Variants in NRXN1 observed in about 807,000 individuals in gnomAD.
NRXN1 encodes neurexin-1.
A neutral mutation model predicts 150.9 loss-of-function variants in NRXN1; 39 were observed. The observed-to-expected ratio is 0.26, with a 90% CI of 0.20 to 0.34. NRXN1 has a LOEUF of 0.34. Ranked by LOEUF, NRXN1 falls within the 10% of genes least tolerant of loss-of-function variation. The probability of loss-of-function intolerance (pLI) is 1.00; values close to 1 mark genes in which losing one functional copy is unlikely to be tolerated. For missense variants in NRXN1, 1,815 were observed against 1,949.9 expected (o/e 0.93, Z 1.30); for synonymous variants, 924 against 757.0 (o/e 1.22, Z -3.62).
chr2:50,591,958 G>A (rs184979977), intron 8 of NRXN1, among the ~76,000 whole-genome samples: 207 of 152,056 alleles, frequency 1.4e-3, no homozygotes, highest in Non-Finnish European at 1.6e-3. Context: ...TCCAAATTTC[G>A]ACCTTGGTTA....
intron 17 of NRXN1, among the ~76,000 whole-genome samples, chr2:50,255,087 T>C (rs537960500): frequency 6.6e-6 from 1 of 152,258 alleles, no homozygotes; most frequent in East Asian, 1.9e-4. Flanking sequence ...GTATTACAGG[T>C]ATAAGTCACC....
intron 22 of NRXN1, among the ~76,000 whole-genome samples, chr2:49,933,328 C>T (rs191858012): frequency 6.6e-6 from 1 of 152,128 alleles, no homozygotes; most frequent in Non-Finnish European, 1.5e-5. Context: ...TCTCATGATC[C>T]GCCCGCCTCG....
chr2:50,546,025 C>G lies in NRXN1; in HGVS notation c.1759+6562G>C, dbSNP rs532787228. Reference sequence around the variant, plus strand: ...CAATTTTTTTCCAATTATTTTCAATCCATAGTTGATTGAATCCACAGATGC... The same window carrying G: ...CAATTTTTTTCCAATTATTTTCAATGCATAGTTGATTGAATCCACAGATGC... On this transcript the variant is annotated intron_variant, in intron 9 of 22. Coordinates refer to ENST00000401669, the MANE Select transcript of NRXN1 (RefSeq NM_001330078.2). 2.5e-4 allele frequency among the ~76,000 whole-genome samples: 38 copies of G among 152,144 alleles called. No individual in the cohort carries two copies. The South Asian group carries it at 7.9e-3, about 32-fold the overall frequency.
intron 17 of NRXN1, among the ~76,000 whole-genome samples, chr2:50,377,267 G>A (rs1247813669): frequency 6.6e-6 from 1 of 151,808 alleles, no homozygotes; most frequent in Non-Finnish European, 1.5e-5. Flanking sequence ...CCCCTAACAG[G>A]CCCCAGTGTG....
At chr2:50,000,588 TAC>T (rs1683749970) in intron 21 of NRXN1, among the ~76,000 whole-genome samples, 2 of 152,292 alleles carry the variant, frequency 1.3e-5, no homozygotes, top group African/African-American at 4.8e-5. Flanking sequence ...CAACATAATT[TAC>T]ACAGATTTAT....
intron 5 of NRXN1, among the ~76,000 whole-genome samples, chr2:50,805,274 C>T (rs1383423231): frequency 1.3e-5 from 2 of 151,912 alleles, no homozygotes; most frequent in African/African-American, 2.4e-5. Context: ...AAACATATTA[C>T]GTGAGGACTT....
chr2:50,545,351 A>C (rs556260178), intron 9 of NRXN1, among the ~76,000 whole-genome samples: 2 of 152,314 alleles, frequency 1.3e-5, no homozygotes, highest in African/African-American at 4.8e-5. Flanking sequence ...ATTCTGCAGC[A>C]ATTGAAATAT....
intron 5 of NRXN1, among the ~76,000 whole-genome samples, chr2:50,648,605 A>C (rs1412845934): frequency 6.6e-6 from 1 of 151,996 alleles, no homozygotes; most frequent in Non-Finnish European, 1.5e-5. Flanking sequence ...AACCAGACAT[A>C]CCAGAAAAAT....
intron 21 of NRXN1, among the ~76,000 whole-genome samples, chr2:50,007,129 G>C (rs1331615248): frequency 2.0e-5 from 3 of 152,044 alleles, no homozygotes; most frequent in African/African-American, 7.2e-5. Context: ...AATCACTTGA[G>C]GCCAGGAGTT....
At chr2:50,562,853 C>T (rs1669306291) in intron 8 of NRXN1, among the ~76,000 whole-genome samples, 1 of 151,972 alleles carries the variant, frequency 6.6e-6, no homozygotes, top group South Asian at 2.1e-4. Flanking sequence ...TGATCTAGTT[C>T]CATGTCACCT....
chr2:50,795,983 A>C (rs1050104637), intron 5 of NRXN1, among the ~76,000 whole-genome samples: 1 of 152,118 alleles, frequency 6.6e-6, no homozygotes, highest in African/African-American at 2.4e-5. Context: ...GTTCACAAGA[A>C]ATCTAATTAG....
chr2:50,320,293 T>TACAC (rs72315549), intron 17 of NRXN1, among the ~76,000 whole-genome samples: 1 of 99,918 alleles, frequency 1.0e-5, no homozygotes, highest in African/African-American at 4.7e-5. Flanking sequence ...CATATATATA[T>TACAC]ATATATATAT....
chr2:49,921,782 A>C lies in NRXN1; in HGVS notation c.*162T>G, dbSNP rs571823475. The C allele has an allele frequency of 6.4e-5, 47 of 730,614 alleles. No individual in the cohort carries two copies. The East Asian group carries it at 1.3e-3, about 20-fold the overall frequency. 45.3% of individuals were successfully genotyped at this position (730,614 alleles called of 1,614,324 possible). On this transcript the variant is annotated 3_prime_UTR_variant, in exon 23 of 23. Coordinates refer to ENST00000401669, the MANE Select transcript of NRXN1 (RefSeq NM_001330078.2). Reference sequence around the variant, plus strand: ...TTTTTCTTTTTTGAGAAACAAGAGCATGAGATACTTGTTTTTATTTTTTAA... The same window carrying C: ...TTTTTCTTTTTTGAGAAACAAGAGCCTGAGATACTTGTTTTTATTTTTTAA...
chr2:50,149,294 G>C (rs985251023), intron 18 of NRXN1, among the ~76,000 whole-genome samples: 2 of 151,626 alleles, frequency 1.3e-5, no homozygotes, highest in Non-Finnish European at 1.5e-5. Context: ...AAGCAAAAAA[G>C]ACAAAGGGTG....
chr2:50,571,323 C>T (rs12713112), intron 8 of NRXN1, among the ~76,000 whole-genome samples: 1 of 151,968 alleles, frequency 6.6e-6, no homozygotes, highest in South Asian at 2.1e-4. Flanking sequence ...CAGTAAGTCA[C>T]GAGTTTGAAG....
rs75068307 is a variant in NRXN1 at position 50,280,973 on chromosome 2, G to A, written c.3365-44003C>T. The stretch of plus-strand genomic sequence containing the variant: ...CATTTCAGGGACCATGTTAAATGGA[G>A]GCCAAGGAAAACTGTATTTTTATTA... On this transcript the variant is annotated intron_variant, in intron 17 of 22. Transcript: ENST00000401669. 3.5e-3 allele frequency among the ~76,000 whole-genome samples: 529 copies of A among 152,070 alleles called. 5 individuals carry two copies. The highest frequency in any genetic ancestry group is 0.012 in the African/African-American group (491 of 41,486).
intron 18 of NRXN1, among the ~76,000 whole-genome samples, chr2:50,097,348 C>G (rs1477621205): frequency 1.3e-5 from 2 of 152,134 alleles, no homozygotes; most frequent in Non-Finnish European, 2.9e-5. Context: ...TTGGACAGAA[C>G]TCAACAATGT....
intron 2 of NRXN1, among the ~76,000 whole-genome samples, chr2:50,981,904 A>G (rs776189367): frequency 3.3e-5 from 5 of 151,908 alleles, no homozygotes; most frequent in Non-Finnish European, 5.9e-5. Context: ...AATTTTCACA[A>G]TGGTTAATGG....
rs142735980 is a variant in NRXN1, at chr2:50,678,908, A to C, written c.833-55293T>G. On this transcript the variant is annotated intron_variant, in intron 5 of 22. Transcript: ENST00000401669. The stretch of plus-strand genomic sequence containing the variant: ...CCCTAAAGAGATAGAGCTTAGAATG[A>C]CTCAAAAGGGAATTTATGAGACTAT... Among the ~76,000 whole-genome samples, 28 of 152,134 alleles carry C rather than the reference A, an allele frequency of 1.8e-4. 2 individuals are homozygous for C. The highest frequency in any genetic ancestry group is 6.5e-4 in the African/African-American group (27 of 41,526).
Sources: allele counts gnomAD v4.1 joint callset (sites outside exome capture counted in the v4.1 genomes callset), GRCh38; gene constraint gnomAD v4.1.1; transcripts MANE v1.5; gene names NCBI Gene and HGNC (gene_info 2026-07-23, HGNC 2026-07-21).